Variants in BRWD3 observed in about 807,000 individuals in gnomAD.
BRWD3 encodes bromodomain and WD repeat domain containing 3.
Under a neutral mutation model 149.7 loss-of-function variants are expected in BRWD3, and 10 were observed. The ratio of observed to expected loss-of-function variants is 0.07; its 90% CI spans 0.04 to 0.11. The LOEUF is 0.11. Ranked by LOEUF, BRWD3 falls within the 10% of genes least tolerant of loss-of-function variation. BRWD3 has a pLI of 1.00. For synonymous variants in BRWD3, 504 were observed against 456.7 expected (o/e 1.10, Z -1.32); for missense variants, 940 against 1,373.2 (o/e 0.68, Z 4.99).
chrX:80,764,588 CA>C (rs1408683579), intron 6 of BRWD3, among the ~76,000 whole-genome samples: 1 of 110,246 alleles, frequency 9.1e-6, no homozygotes, highest in Non-Finnish European at 1.9e-5. Flanking sequence ...GCTGGGATTA[CA>C]GGTGTGAGCC....
chrX:80,678,378 G>A (rs1480608613), intron 40 of BRWD3, among the ~76,000 whole-genome samples: 1 of 111,658 alleles, frequency 9.0e-6, no homozygotes, highest in Non-Finnish European at 1.9e-5. Context: ...GAGATATTTT[G>A]CCAAGGTAGA....
intron 9 of BRWD3, 104 bp from the exon 10 acceptor site, chrX:80,735,301 G>GA: frequency 3.1e-6 from 2 of 652,087 alleles, no homozygotes. Flanking sequence ...CAATATTATA[G>GA]AAAAAACAAA....
At chrX:80,760,532 C>T (rs1340730003) in intron 6 of BRWD3, among the ~76,000 whole-genome samples, 1 of 111,600 alleles carries the variant, frequency 9.0e-6, no homozygotes, top group Non-Finnish European at 1.9e-5. Flanking sequence ...CAGGAAAATG[C>T]CATTTGAAGT....
In BRWD3 at chrX:80,674,863, G is replaced by A. The variant is rs1252270992; in HGVS notation, c.*1746C>T. On this transcript the variant is annotated 3_prime_UTR_variant, in exon 41 of 41. Coordinates refer to ENST00000373275, the MANE Select transcript of BRWD3 (RefSeq NM_153252.5). ...CTGCCGACCCTACCAAAAAAGCAAA[G>A]TTTTATGTGTGTACGCCTTCCTCTG... 8.9e-6 allele frequency: 1 copy of A among 111,823 alleles called. No homozygotes were observed. The highest frequency in any genetic ancestry group is 1.9e-5 in the Non-Finnish European group (1 of 53,050). 9.2% of individuals were successfully genotyped at this position (111,823 alleles called of 1,213,427 possible).
chrX:80,777,146 C>G (rs994064368), intron 6 of BRWD3, among the ~76,000 whole-genome samples: 7 of 109,257 alleles, frequency 6.4e-5, no homozygotes, highest in East Asian at 5.8e-4. Context: ...TCTTAAGACC[C>G]CCCCCCACGA....
intron 6 of BRWD3, among the ~76,000 whole-genome samples, chrX:80,771,852 G>C (rs983792948): frequency 4.5e-5 from 5 of 111,757 alleles, no homozygotes; most frequent in East Asian, 5.6e-4. Flanking sequence ...ATGCAGCCAA[G>C]AGACACATGA....
intron 6 of BRWD3, among the ~76,000 whole-genome samples, chrX:80,749,794 T>C (rs1236472592): frequency 2.7e-5 from 3 of 111,674 alleles, no homozygotes; most frequent in East Asian, 5.6e-4. Context: ...AACACTCTTA[T>C]GCAAAAACAA....
Position 80,682,035 on chromosome X carries a change from A to C in BRWD3, c.4457T>G (p.Val1486Gly). Reference sequence around the variant, plus strand: ...AGGAGAGCTAGTCCTGGCATGAGATACTGAGGTATTCTGGTCATTTTTAGG... The same window carrying C: ...AGGAGAGCTAGTCCTGGCATGAGATCCTGAGGTATTCTGGTCATTTTTAGG... Reference protein sequence around the residue: ...LQPKNDQNTSVSHARTSSPFS... With the variant: ...LQPKNDQNTSGSHARTSSPFS... The change falls in exon 39 of 41, where the codon GTA (valine) becomes GGA (glycine). Residue 1486 changes from valine (V) to glycine (G), a missense_variant. This residue lies in a region of BRWD3 where 349 missense variants were observed against 419.6 expected (regional missense o/e 0.83). Transcript: ENST00000373275. 8.3e-7 allele frequency: 1 copy of C among 1,209,742 alleles called. No individual in the cohort carries two copies. The highest frequency in any genetic ancestry group is 1.8e-5 in the South Asian group (1 of 56,944).
intron 8 of BRWD3, among the ~76,000 whole-genome samples, chrX:80,743,469 T>G (rs1197735308): frequency 3.6e-5 from 4 of 111,845 alleles, no homozygotes; most frequent in South Asian, 3.7e-4. Flanking sequence ...TCAGAAGGAA[T>G]GGTACCAGCT....
At chrX:80,752,178 A>G (rs1390538663) in intron 6 of BRWD3, among the ~76,000 whole-genome samples, 1 of 108,662 alleles carries the variant, frequency 9.2e-6, no homozygotes, top group Non-Finnish European at 1.9e-5. Context: ...ATGCCCAGCT[A>G]ATCTTTTGCT....
intron 4 of BRWD3, among the ~76,000 whole-genome samples, chrX:80,807,169 G>C (rs185458217): frequency 8.9e-5 from 10 of 111,853 alleles, no homozygotes; most frequent in African/African-American, 3.2e-4. Context: ...AAGTCCAACA[G>C]AAAGACTGAC....
chrX:80,681,618 C>T (rs5959037), intron 39 of BRWD3, 119 bp from the exon 40 acceptor site: 106 of 589,117 alleles, frequency 1.8e-4, no homozygotes, highest in Admixed American at 2.6e-4. Context: ...TTATAAGTTT[C>T]TCTAAGAAAA....
chrX:80,731,019 C>A (rs1048370003), intron 12 of BRWD3, among the ~76,000 whole-genome samples: 1 of 111,471 alleles, frequency 9.0e-6, no homozygotes, highest in African/African-American at 3.3e-5. Flanking sequence ...TCTATATAAT[C>A]TTTGTACAAC....
intron 12 of BRWD3, among the ~76,000 whole-genome samples, chrX:80,731,288 G>C (rs1046702311): frequency 2.7e-5 from 3 of 111,313 alleles, no homozygotes; most frequent in African/African-American, 9.8e-5. Context: ...CTCCTCATGT[G>C]TTTATTGGCC....
chrX:80,785,122 AAATAGT>A (rs1203064392), intron 6 of BRWD3, among the ~76,000 whole-genome samples: 1 of 112,507 alleles, frequency 8.9e-6, no homozygotes, highest in Non-Finnish European at 1.9e-5. Flanking sequence ...AATGACGAAG[AAATAGT>A]AATAGGTGAT....
intron 12 of BRWD3, among the ~76,000 whole-genome samples, chrX:80,730,885 AACT>A (rs2073320639): frequency 8.9e-6 from 1 of 111,797 alleles, no homozygotes; most frequent in Non-Finnish European, 1.9e-5. Flanking sequence ...ACAAGTACAA[AACT>A]ACTATCACTT....
chrX:80,717,000 G>C (rs2073082148), intron 19 of BRWD3: 1 of 112,394 alleles, frequency 8.9e-6, no homozygotes, highest in South Asian at 3.7e-4. Flanking sequence ...TGATTAAAAT[G>C]AATTGTACAT....
intron 20 of BRWD3, among the ~76,000 whole-genome samples, chrX:80,711,403 A>G (rs1426802351): frequency 1.8e-5 from 2 of 111,975 alleles, no homozygotes; most frequent in Non-Finnish European, 3.8e-5. Context: ...TGACTCTGGC[A>G]TAACATCATA....
intron 2 of BRWD3, 69 bp downstream of exon 2, chrX:80,809,177 C>G: frequency 8.7e-7 from 1 of 1,148,214 alleles, no homozygotes; most frequent in Non-Finnish European, 1.2e-6. Context: ...CGGAACTGCT[C>G]GTCCCGCTGC....
Sources: gnomAD v4.1 joint callset for allele counts (sites outside exome capture counted in the v4.1 genomes callset) on GRCh38, gnomAD v4.1.1 for gene constraint, gnomAD v4.1.1 regional missense constraint, MANE v1.5 for transcripts, NCBI Gene and HGNC (gene_info 2026-07-23, HGNC 2026-07-21) for gene names.